Variants in ZRANB3 observed in about 807,000 individuals in gnomAD.
The protein encoded by ZRANB3 is zinc finger RANBP2-type containing 3, also known as DNA annealing helicase and endonuclease ZRANB3.
ZRANB3 carries 125 observed loss-of-function variants against 133.8 expected under a neutral mutation model. That is an observed-to-expected ratio of 0.93 (90% confidence interval 0.81 to 1.08). The LOEUF (loss-of-function observed/expected upper bound fraction) is 1.08. Among genes scored for constraint, ZRANB3 ranks in the 50% least tolerant of loss-of-function variants. ZRANB3 has a pLI of 0.00. For synonymous variants in ZRANB3, 387 were observed against 432.7 expected (o/e 0.89, Z 1.31); for missense variants, 1,229 against 1,275.5 (o/e 0.96, Z 0.56).
intron 3 of ZRANB3, among the ~76,000 whole-genome samples, chr2:135,377,228 G>A (rs1686469914): frequency 6.6e-6 from 1 of 152,060 alleles, no homozygotes; most frequent in Non-Finnish European, 1.5e-5. Context: ...GGAATGTCAA[G>A]GATTCCTGGC....
chr2:135,402,675 C>A (rs577422281), intron 2 of ZRANB3, among the ~76,000 whole-genome samples: 2 of 152,028 alleles, frequency 1.3e-5, no homozygotes, highest in Admixed American at 6.6e-5. Flanking sequence ...CAACCTCCAC[C>A]TCCTGGGTTC....
chr2:135,501,564 G>A (rs765824369), intron 2 of ZRANB3, among the ~76,000 whole-genome samples: 3 of 152,004 alleles, frequency 2.0e-5, no homozygotes, highest in Non-Finnish European at 2.9e-5. Context: ...TCTTAAAAGC[G>A]TTCCCTAAAG....
rs1295765623 is a variant in ZRANB3 at position 135,349,982 on chromosome 2, ACCT to A, written c.590_591+1del. On this transcript the variant is annotated splice_donor_variant and coding_sequence_variant, in exon 5 of 21. Coordinates refer to ENST00000264159, the MANE Select transcript of ZRANB3 (RefSeq NM_032143.4). LOFTEE classifies it high-confidence loss of function. ...AAGTTCGAAGTATAAGGATTGTAAT[ACCT>A]CTTCAGGCCTTCCTAAAGCTGGTGT... 3 of 1,612,590 alleles carry A rather than the reference ACCT, an allele frequency of 1.9e-6. No homozygotes were observed. In the Admixed American group the frequency reaches 5.0e-5, roughly 27 times the overall value.
intron 2 of ZRANB3, among the ~76,000 whole-genome samples, chr2:135,424,028 TAA>T (rs1002284772): frequency 1.3e-5 from 2 of 152,112 alleles, no homozygotes; most frequent in African/African-American, 4.8e-5. Flanking sequence ...TAAGAACAGC[TAA>T]TAACATGAAA....
At chr2:135,439,978 C>T (rs1369811813) in intron 2 of ZRANB3, among the ~76,000 whole-genome samples, 1 of 152,100 alleles carries the variant, frequency 6.6e-6, no homozygotes, top group African/African-American at 2.4e-5. Context: ...ATTAAGACTG[C>T]CAGACTTTGG....
chr2:135,428,426 CAAAAAA>C (rs34645774), intron 2 of ZRANB3, among the ~76,000 whole-genome samples: 31 of 75,264 alleles, frequency 4.1e-4, no homozygotes, highest in African/African-American at 1.2e-3. Flanking sequence ...ACTTTGTTTC[CAAAAAA>C]AAAAAAAAAA....
intron 18 of ZRANB3, among the ~76,000 whole-genome samples, chr2:135,208,412 A>G (rs1197877243): frequency 5.3e-5 from 8 of 152,344 alleles, no homozygotes; most frequent in Non-Finnish European, 1.2e-4. Context: ...GATACAAAAC[A>G]TGATAGGATA....
chr2:135,396,840 TA>T (rs2104933492), intron 2 of ZRANB3, among the ~76,000 whole-genome samples: 1 of 152,222 alleles, frequency 6.6e-6, no homozygotes, highest in African/African-American at 2.4e-5. Flanking sequence ...ACATAATGAA[TA>T]AATGCTTGAG....
At chr2:135,200,574 G>A in intron 20 of ZRANB3, 134 bp from the exon 21 acceptor site, 1 of 708,180 alleles carries the variant, frequency 1.4e-6, no homozygotes, top group South Asian at 1.9e-5. Flanking sequence ...GGCTATGGAA[G>A]AGTTACCAAA....
chr2:135,483,472 A>T (rs1254796509), intron 2 of ZRANB3, among the ~76,000 whole-genome samples: 1 of 151,976 alleles, frequency 6.6e-6, no homozygotes, highest in African/African-American at 2.4e-5. Context: ...TATCCCCTTT[A>T]TCATTTTTTA....
At chr2:135,338,845 A>C (rs1358332062) in intron 6 of ZRANB3, among the ~76,000 whole-genome samples, 1 of 152,260 alleles carries the variant, frequency 6.6e-6, no homozygotes, top group Non-Finnish European at 1.5e-5. Context: ...TATGTGAATA[A>C]CACATGTATA....
At chr2:135,378,730 C>T (rs1686544537) in intron 3 of ZRANB3, among the ~76,000 whole-genome samples, 1 of 152,116 alleles carries the variant, frequency 6.6e-6, no homozygotes, top group Non-Finnish European at 1.5e-5. Flanking sequence ...TAGCACTTCA[C>T]CTCTATGGTC....
intron 2 of ZRANB3, among the ~76,000 whole-genome samples, chr2:135,431,246 C>T (rs1043796669): frequency 6.6e-6 from 1 of 151,500 alleles, no homozygotes; most frequent in African/African-American, 2.4e-5. Flanking sequence ...GATCCATGAT[C>T]GCACCACTGC....
In ZRANB3 at chr2:135,350,074, T is replaced by C. The variant is rs1685130314; in HGVS notation, c.501A>G (p.Ala167=). 1 of 1,613,890 alleles carries C rather than the reference T, an allele frequency of 6.2e-7. No individual in the cohort carries two copies. The highest frequency in any genetic ancestry group is 1.1e-5 in the South Asian group (1 of 91,080). Residue 167 remains alanine (A), a synonymous_variant, in exon 5 of 21, where the codon GCA becomes GCG. Coordinates refer to ENST00000264159, the MANE Select transcript of ZRANB3 (RefSeq NM_032143.4). ...DESHYMKSRN[A]TRSRILLPIV... ...TTGGCAATAAAATCCTGCTGCGAGT[T>C]GCATTTCTGGATTTCATGTAGTGTG...
At chr2:135,357,225 G>C (rs1246136192) in intron 3 of ZRANB3, among the ~76,000 whole-genome samples, 2 of 151,948 alleles carry the variant, frequency 1.3e-5, no homozygotes, top group Non-Finnish European at 2.9e-5. Context: ...TTAGCCTCCT[G>C]AGTACCTGGG....
rs191214647 is a variant in ZRANB3, at chr2:135,343,507, T to A, written c.677+2043A>T. 2.4e-3 allele frequency among the ~76,000 whole-genome samples: 354 copies of A among 149,710 alleles called. 42 individuals are homozygous for A. The highest frequency in any genetic ancestry group is 8.5e-3 in the African/African-American group (332 of 39,174). On this transcript the variant is annotated intron_variant, in intron 6 of 20. Transcript: ENST00000264159. ...TGTTAGACTGACTTCATAGAAACAA[T>A]TTAGAAGAATTCTATCTTTGTACTT...
chr2:135,355,595 G>A (rs1685398234), intron 3 of ZRANB3, among the ~76,000 whole-genome samples: 1 of 152,058 alleles, frequency 6.6e-6, no homozygotes. Context: ...GACCTCAGGT[G>A]ATCCACCCAC....
intron 19 of ZRANB3, among the ~76,000 whole-genome samples, chr2:135,205,214 A>G (rs1385888532): frequency 6.6e-6 from 1 of 152,164 alleles, no homozygotes; most frequent in African/African-American, 2.4e-5. Context: ...TTCATCCAAT[A>G]TTTTAGTGGG....
chr2:135,277,936 A>C (rs541288977), intron 8 of ZRANB3, among the ~76,000 whole-genome samples: 12 of 151,728 alleles, frequency 7.9e-5, no homozygotes, highest in South Asian at 4.1e-4. Flanking sequence ...AAAAAAACAA[A>C]AAAAAAAAAC....
Sources: gnomAD v4.1 joint callset for allele counts (sites outside exome capture counted in the v4.1 genomes callset) on GRCh38, gnomAD v4.1.1 for gene constraint, MANE v1.5 for transcripts, NCBI Gene and HGNC (gene_info 2026-07-23, HGNC 2026-07-21) for gene names.